ME3: variants seen among roughly 807,000 people sequenced by gnomAD.
ME3 encodes the protein NADP-dependent malic enzyme, mitochondrial.
A neutral mutation model predicts 68.9 loss-of-function variants in ME3; 48 were observed. The observed-to-expected ratio is 0.70, with a 90% CI of 0.55 to 0.89. The LOEUF (loss-of-function observed/expected upper bound fraction) is 0.89, where lower values mean the gene tolerates loss of function less well. ME3 is among the 40% of genes least tolerant of loss of function. ME3 has a pLI of 0.00. For synonymous variants in ME3, 320 were observed against 318.8 expected (o/e 1.00, Z -0.04); for missense variants, 675 against 797.4 (o/e 0.85, Z 1.85).
intron 5 of ME3, 40 bp from the exon 6 acceptor site, chr11:86,498,164 TC>T (rs775522211): frequency 1.1e-5 from 18 of 1,575,782 alleles, no homozygotes; most frequent in South Asian, 3.5e-5. Flanking sequence ...GGACAGCACT[TC>T]CTGTGACAGG....
At chr11:86,559,655 G>T in intron 3 of ME3, 35 bp downstream of exon 3, 1 of 1,590,928 alleles carries the variant, frequency 6.3e-7, no homozygotes, top group East Asian at 2.3e-5. Context: ...CTCAGCCCAA[G>T]GACCAGACAG....
chr11:86,596,085 C>A (rs1959405231), intron 2 of ME3, among the ~76,000 whole-genome samples: 3 of 152,210 alleles, frequency 2.0e-5, no homozygotes, highest in Admixed American at 2.0e-4. Context: ...TTTCCCTTGA[C>A]AACTCACACT....
chr11:86,563,890 C>T (rs1454417589), intron 2 of ME3, among the ~76,000 whole-genome samples: 1 of 152,136 alleles, frequency 6.6e-6, no homozygotes, highest in Admixed American at 6.6e-5. Context: ...ATGATGCTTC[C>T]AACTTTGTTG....
chr11:86,650,780 C>A (rs1420539712), intron 2 of ME3, among the ~76,000 whole-genome samples: 1 of 152,174 alleles, frequency 6.6e-6, no homozygotes, highest in African/African-American at 2.4e-5. Context: ...CGAGCGTGAG[C>A]TGCAGCAGGG....
intron 4 of ME3, among the ~76,000 whole-genome samples, chr11:86,531,550 G>A (rs113158976): frequency 0.077 from 11,783 of 152,168 alleles, 582 homozygotes; most frequent in East Asian, 0.26. Context: ...ACATGCACAC[G>A]CATGTTTATT....
At chr11:86,625,254 G>GATAC (rs1237777418) in intron 2 of ME3, among the ~76,000 whole-genome samples, 1 of 152,022 alleles carries the variant, frequency 6.6e-6, no homozygotes, top group Non-Finnish European at 1.5e-5. Flanking sequence ...CCAGCACCCT[G>GATAC]AGTTTGGTGA....
chr11:86,634,565 CAA>C (rs1046385862), intron 2 of ME3, among the ~76,000 whole-genome samples: 3 of 152,098 alleles, frequency 2.0e-5, no homozygotes, highest in African/African-American at 7.2e-5. Flanking sequence ...GAAAATTATC[CAA>C]AAAACAAAGA....
chr11:86,556,719 A>G lies in ME3; in HGVS notation c.318-17T>C. The G allele has an allele frequency of 6.2e-7, 1 of 1,613,034 alleles. No homozygotes were observed. The highest frequency in any genetic ancestry group is 2.2e-5 in the East Asian group (1 of 44,848). Reference sequence around the variant, plus strand: ...ATGATGTACCTTGTAAAAGGAGAGAAAAAGCAAGCTGACATGTGGTAGCAG... The same window carrying G: ...ATGATGTACCTTGTAAAAGGAGAGAGAAAGCAAGCTGACATGTGGTAGCAG... On this transcript the variant is annotated splice_polypyrimidine_tract_variant and intron_variant, in intron 3 of 14. Transcript: ENST00000543262.
At chr11:86,605,336 G>T (rs1961466878) in intron 2 of ME3, among the ~76,000 whole-genome samples, 2 of 152,174 alleles carry the variant, frequency 1.3e-5, no homozygotes. Flanking sequence ...TGCACATGCT[G>T]TTCACAATTA....
intron 2 of ME3, among the ~76,000 whole-genome samples, chr11:86,625,554 C>A (rs1401105222): frequency 3.3e-5 from 5 of 152,130 alleles, no homozygotes; most frequent in Admixed American, 6.5e-5. Context: ...GTTGGCTAAA[C>A]CTTTCTGTGA....
intron 2 of ME3, among the ~76,000 whole-genome samples, chr11:86,668,761 C>T (rs2135524590): frequency 6.6e-6 from 1 of 152,316 alleles, no homozygotes; most frequent in East Asian, 1.9e-4. Flanking sequence ...CATACAGCTG[C>T]GACTTAAATG....
chr11:86,605,800 G>C (rs867072209), intron 2 of ME3, among the ~76,000 whole-genome samples: 2 of 1,180 alleles, frequency 1.7e-3, no homozygotes, highest in African/African-American at 0.018. Flanking sequence ...CAGTCAGAGG[G>C]GGAGGGTTAG....
At chr11:86,524,669 G>C (rs1034447295) in intron 4 of ME3, among the ~76,000 whole-genome samples, 1 of 152,150 alleles carries the variant, frequency 6.6e-6, no homozygotes, top group Non-Finnish European at 1.5e-5. Context: ...AGCTATCATT[G>C]CATATTAGTT....
intron 4 of ME3, among the ~76,000 whole-genome samples, chr11:86,545,933 C>T (rs1047072475): frequency 5.3e-5 from 8 of 152,130 alleles, no homozygotes; most frequent in Admixed American, 1.3e-4. Context: ...GCTTCAGTAA[C>T]CAAAATAGCA....
chr11:86,557,467 G>T (rs1285777345), intron 3 of ME3, among the ~76,000 whole-genome samples: 2 of 152,198 alleles, frequency 1.3e-5, no homozygotes, highest in African/African-American at 4.8e-5. Context: ...TCTGGCATGA[G>T]GTGGGATGGG....
chr11:86,592,020 A>C (rs1035721999), intron 2 of ME3, among the ~76,000 whole-genome samples: 1 of 152,186 alleles, frequency 6.6e-6, no homozygotes, highest in Non-Finnish European at 1.5e-5. Context: ...TGAGCAAACT[A>C]ATACACTTCC....
intron 2 of ME3, among the ~76,000 whole-genome samples, chr11:86,647,491 GAA>G (rs111578218): frequency 3.1e-4 from 38 of 122,812 alleles, no homozygotes; most frequent in East Asian, 2.0e-3. Flanking sequence ...TCTCAAAAAA[GAA>G]AAAAAAAAAA....
chr11:86,442,089 G>A (rs961466503), intron 14 of ME3, among the ~76,000 whole-genome samples: 3 of 152,140 alleles, frequency 2.0e-5, no homozygotes, highest in Non-Finnish European at 4.4e-5. Context: ...TGTAAAACAT[G>A]CATACTAATA....
At chr11:86,541,254 T>C (rs1182384955) in intron 4 of ME3, among the ~76,000 whole-genome samples, 1 of 152,062 alleles carries the variant, frequency 6.6e-6, no homozygotes, top group Non-Finnish European at 1.5e-5. Flanking sequence ...GTTTTTTTTT[T>C]CATACCCCAG....
Sources: gnomAD v4.1 joint callset for allele counts (sites outside exome capture counted in the v4.1 genomes callset) on GRCh38, gnomAD v4.1.1 for gene constraint, MANE v1.5 for transcripts, NCBI Gene and HGNC (gene_info 2026-07-23, HGNC 2026-07-21) for gene names.